TST: variants seen among roughly 807,000 people sequenced by gnomAD.
TST encodes the protein epididymis secretory sperm binding protein.
In TST, 22 loss-of-function variants were observed where a neutral mutation model predicts 20.4. The ratio of observed to expected loss-of-function variants is 1.08; its 90% confidence interval spans 0.77 to 1.54. The LOEUF (loss-of-function observed/expected upper bound fraction) is 1.54. Ranked by LOEUF, TST falls within the 40% of genes most tolerant of loss-of-function variation. The probability of loss-of-function intolerance (pLI) is 0.00; values close to 1 mark genes in which losing one functional copy is unlikely to be tolerated. For synonymous variants in TST, 187 were observed against 173.8 expected (o/e 1.08, Z -0.60); for missense variants, 392 against 405.2 (o/e 0.97, Z 0.28).
rs1466811982 is a variant in TST at position 37,011,228 on chromosome 22, A to G, written c.693T>C (p.Ala231=). The G allele has an allele frequency of 6.2e-7, 1 of 1,614,040 alleles. No individual in the cohort carries two copies. Among genetic ancestry groups the G allele is most frequent in the South Asian group, 1.1e-5 (1 of 91,086 alleles). The change falls in exon 3 of 3, where the codon GCT becomes GCC. Residue 231 remains alanine, a synonymous_variant. Coordinates refer to ENST00000249042, the MANE Select transcript of TST (RefSeq NM_003312.6). ...GATCCACCTTCTTGGTCTGGAACAG[A>G]GCACGGAGCTCTTCTGGGCCCTTCT... ...GFEKGPEELR[A]LFQTKKVDLS... is the part of the protein sequence containing the mutation.
chr22:37,018,232 CTG>C lies in TST; in HGVS notation c.499_500del (p.Gln167GlyfsTer6), dbSNP rs1257690633. The C allele has an allele frequency of 5.6e-6, 9 of 1,613,812 alleles. No individual in the cohort carries two copies. The highest frequency in any genetic ancestry group is 7.6e-6 in the Non-Finnish European group (9 of 1,180,008). The stretch of plus-strand genomic sequence containing the variant: ...TCTTAGATTCAAGGTTCTCCAGCAC[CTG>C]CTCGTAGGTCTTGAGCAGGGAGCGG... ...LDRSLLKTYEQVLENLESKRF... is the reference protein window; with the variant it reads ...LDRSLLKTYEXVLENLESKRF... On this transcript the variant is annotated frameshift_variant, in exon 2 of 3. Transcript: ENST00000249042. LOFTEE classifies it high-confidence loss of function.
rs189900202 is a variant in TST, at chr22:37,011,483, C to A, written c.596-158G>T. Among the ~76,000 whole-genome samples, 387 of 152,294 alleles carry A rather than the reference C, an allele frequency of 2.5e-3. 2 individuals carry two copies. The highest frequency in any genetic ancestry group is 5.2e-3 in the South Asian group (25 of 4,826). On this transcript the variant is annotated intron_variant, in intron 2 of 2. Transcript: ENST00000249042. ...GAGCTCAATTTATTCCCAGCCCCACCTATTATCATTTCTCATGACTTAAGA... is the reference window on the plus strand; with the variant it reads ...GAGCTCAATTTATTCCCAGCCCCACATATTATCATTTCTCATGACTTAAGA...
intron 2 of TST, among the ~76,000 whole-genome samples, chr22:37,014,137 C>A (rs1050758508): frequency 6.6e-6 from 1 of 152,078 alleles, no homozygotes; most frequent in Non-Finnish European, 1.5e-5. Context: ...CCGAGGTGGG[C>A]GGATCACGAG....
intron 2 of TST, among the ~76,000 whole-genome samples, chr22:37,015,859 T>TG (rs34040968): frequency 2.0e-5 from 3 of 149,822 alleles, no homozygotes; most frequent in East Asian, 3.9e-4. Flanking sequence ...AGGAGGGGGT[T>TG]GGGGGGGAAG....
intron 2 of TST, among the ~76,000 whole-genome samples, chr22:37,013,702 A>T (rs1014996533): frequency 1.3e-5 from 2 of 152,206 alleles, no homozygotes; most frequent in African/African-American, 4.8e-5. Flanking sequence ...GGAAACTTGA[A>T]TCTAAGATGT....
At chr22:37,019,904 TG>T, upstream of TST, 1 of 1,123,266 alleles carries the variant, frequency 8.9e-7, no homozygotes. Context: ...CTTGCCTTTC[TG>T]GAGGGGGAGG....
At chr22:37,013,386 GGAA>G (rs1180204611) in intron 2 of TST, 1 of 151,464 alleles carries the variant, frequency 6.6e-6, no homozygotes, top group Non-Finnish European at 1.5e-5. Flanking sequence ...AGGCCCAGAT[GGAA>G]GGATTGCTTG....
At chr22:37,011,927 A>G (rs1922493392) in intron 2 of TST, among the ~76,000 whole-genome samples, 1 of 152,268 alleles carries the variant, frequency 6.6e-6, no homozygotes, top group East Asian at 1.9e-4. Context: ...AGATGAAGGC[A>G]GACCCAGGAT....
intron 2 of TST, among the ~76,000 whole-genome samples, chr22:37,012,836 T>A (rs531429920): frequency 7.8e-4 from 118 of 151,964 alleles, no homozygotes; most frequent in African/African-American, 2.6e-3. Context: ...ACAAGGTCAG[T>A]TCAAGACCAG....
Position 37,011,226 on chromosome 22 carries a change from A to G in TST, c.695T>C (p.Leu232Pro), listed in dbSNP as rs751695841. 1 of 1,614,078 alleles carries G rather than the reference A, an allele frequency of 6.2e-7. No individual in the cohort carries two copies. The highest frequency in any genetic ancestry group is 1.3e-5 in the African/African-American group (1 of 75,066). Residue 232 changes from leucine to proline, a missense_variant, in exon 3 of 3, where the codon CTG becomes CCG. By Grantham distance (98) the Leu-to-Pro change is moderately conservative. Coordinates refer to ENST00000249042, the MANE Select transcript of TST (RefSeq NM_003312.6). ...FEKGPEELRA[L>P]FQTKKVDLSQ... ...GAGATCCACCTTCTTGGTCTGGAAC[A>G]GAGCACGGAGCTCTTCTGGGCCCTT...
At chr22:37,016,648 T>C (rs1922691086) in intron 2 of TST, among the ~76,000 whole-genome samples, 1 of 152,146 alleles carries the variant, frequency 6.6e-6, no homozygotes, top group African/African-American at 2.4e-5. Flanking sequence ...TCCTCCCCCA[T>C]GACAGCTTAA....
intron 2 of TST, among the ~76,000 whole-genome samples, chr22:37,016,026 C>T (rs1294821638): frequency 6.7e-6 from 1 of 148,594 alleles, no homozygotes; most frequent in African/African-American, 2.5e-5. Flanking sequence ...TCACTGCAAC[C>T]TCCACCTCCC....
At chr22:37,019,804 G>A, upstream of TST, 2 of 1,133,248 alleles carry the variant, frequency 1.8e-6, no homozygotes, top group South Asian at 8.9e-5. Flanking sequence ...GACAGCTGCG[G>A]GCGCGGGGAG....
intron 2 of TST, 40 bp downstream of exon 2, chr22:37,018,098 G>T (rs769247944): frequency 9.0e-6 from 13 of 1,446,148 alleles, no homozygotes; most frequent in Admixed American, 2.4e-5. Context: ...CTTCCATGGG[G>T]CAATACTCCC....
chr22:37,013,834 G>A (rs889543994), intron 2 of TST, among the ~76,000 whole-genome samples: 5 of 108,220 alleles, frequency 4.6e-5, no homozygotes, highest in Admixed American at 2.7e-4. Context: ...AAAGCACAAC[G>A]GGTTGAATCC....
At position 37,011,057 on chromosome 22, in the gene TST, A is replaced by G. The variant is rs374116956; in HGVS notation, c.864T>C (p.Arg288=). ...EWFRRAPPES[R]VSQGKSEKA Reference sequence around the variant, plus strand: ...CCTTCTCAGACTTTCCCTGGGACACACGGCTCTCTGGGGGGGCCCGGCGAA... The same window carrying G: ...CCTTCTCAGACTTTCCCTGGGACACGCGGCTCTCTGGGGGGGCCCGGCGAA... The change falls in exon 3 of 3, where the codon CGT becomes CGC. Residue 288 remains arginine, a synonymous_variant. Transcript: ENST00000249042. 32 of 1,611,368 alleles carry G rather than the reference A, an allele frequency of 2.0e-5. No individual in the cohort carries two copies. Among genetic ancestry groups the G allele is most frequent in the Non-Finnish European group, 2.6e-5 (31 of 1,179,692 alleles).
Position 37,010,926 on chromosome 22 carries a change from C to T in TST, c.*101G>A. ...AGAGGGTGAGCCTTGCACAGCAATT[C>T]TAAAAACATGTCATCTCCTTCACCT... On this transcript the variant is annotated 3_prime_UTR_variant, in exon 3 of 3. Transcript: ENST00000249042. 6.7e-7 allele frequency: 1 copy of T among 1,488,858 alleles called. No homozygotes were observed. Among genetic ancestry groups the T allele is most frequent in the Non-Finnish European group, 9.0e-7 (1 of 1,105,662 alleles). The allele number at this position is 1,488,858 out of a possible 1,614,324, so 92.2% of individuals were successfully genotyped here. A position where few individuals can be genotyped will look rare whatever the true frequency, so the allele number is the denominator to read the frequency against.
rs537550939 is a variant in TST at position 37,012,488 on chromosome 22, T to C, written c.596-1163A>G. Among the ~76,000 whole-genome samples the C allele has an allele frequency of 8.5e-5, 13 of 152,218 alleles. No homozygotes were observed. In the East Asian group the frequency reaches 2.5e-3, roughly 29 times the overall value. The stretch of plus-strand genomic sequence containing the variant: ...CGAGCAGCCCACACCCTGGCAGGGG[T>C]GGGGGCTCTATGGTTGGCCCCACTC... On this transcript the variant is annotated intron_variant, in intron 2 of 2. Coordinates refer to ENST00000249042, the MANE Select transcript of TST (RefSeq NM_003312.6).
chr22:37,011,268 G>A lies in TST; in HGVS notation c.653C>T (p.Thr218Ile), dbSNP rs1922469345. The A allele has an allele frequency of 6.2e-7, 1 of 1,614,000 alleles. No individual in the cohort carries two copies. The highest frequency in any genetic ancestry group is 1.3e-5 in the African/African-American group (1 of 75,046). The change falls in exon 3 of 3, where the codon ACT becomes ATT. Residue 218 changes from threonine (T) to isoleucine (I), a missense_variant. Transcript: ENST00000249042. ...AVNMPFMDFLTEDGFEKGPEE... is the reference protein window; with the variant it reads ...AVNMPFMDFLIEDGFEKGPEE... ...TGGGCCCTTCTCGAAGCCATCCTCA[G>A]TCAGGAAGTCCATGAAAGGCATGTT...
Sources: gnomAD v4.1 joint callset for allele counts (sites outside exome capture counted in the v4.1 genomes callset) on GRCh38, gnomAD v4.1.1 for gene constraint, MANE v1.5 for transcripts, NCBI Gene and HGNC (gene_info 2026-07-23, HGNC 2026-07-21) for gene names.